TMEM116: variants seen among roughly 807,000 people sequenced by gnomAD.
TMEM116 encodes the protein transmembrane protein 116.
Under a neutral mutation model 44.3 loss-of-function variants are expected in TMEM116, and 38 were observed. That is an observed-to-expected ratio of 0.86 (90% CI 0.66 to 1.12). TMEM116 has a LOEUF of 1.12. Ranked by LOEUF, TMEM116 falls within the 50% of genes most tolerant of loss-of-function variation. The pLI is 0.00. For missense variants in TMEM116, 354 were observed against 401.7 expected, an observed-to-expected ratio of 0.88 and a Z score of 1.01; for synonymous variants, 132 against 144.8, an observed-to-expected ratio of 0.91 and a Z score of 0.64.
chr12:111,943,490 C>T, intron 4 of TMEM116, 121 bp from the exon 5 acceptor site: 1 of 718,258 alleles, frequency 1.4e-6, no homozygotes, highest in Non-Finnish European at 2.4e-6. Flanking sequence ...AGTAATGTAC[C>T]ATCTAGTGTC....
At chr12:111,940,072 A>C (rs1343998773) in intron 5 of TMEM116, among the ~76,000 whole-genome samples, 1 of 151,976 alleles carries the variant, frequency 6.6e-6, no homozygotes, top group Non-Finnish European at 1.5e-5. Flanking sequence ...CAGGAGTTCA[A>C]GACCAGCCTG....
At chr12:112,003,533 A>G (rs984112579) in intron 3 of TMEM116, 16 of 282,178 alleles carry the variant, frequency 5.7e-5, no homozygotes, top group Admixed American at 4.8e-4. Context: ...GCACCACTGC[A>G]CTCCAGCCTG....
At chr12:111,957,481 C>T (rs866811124) in intron 4 of TMEM116, among the ~76,000 whole-genome samples, 5 of 151,998 alleles carry the variant, frequency 3.3e-5, no homozygotes, top group Admixed American at 2.0e-4. Flanking sequence ...GCAGCCGCCC[C>T]GTCCAGGAGG....
chr12:111,957,823 T>C (rs1222222751), intron 4 of TMEM116, among the ~76,000 whole-genome samples: 1 of 152,166 alleles, frequency 6.6e-6, no homozygotes, highest in African/African-American at 2.4e-5. Flanking sequence ...GGCGGTTTTG[T>C]TGAATAGAAA....
chr12:111,979,208 A>G (rs1651819015), intron 4 of TMEM116, among the ~76,000 whole-genome samples: 1 of 152,202 alleles, frequency 6.6e-6, no homozygotes, highest in Admixed American at 6.5e-5. Context: ...CACTATTTAC[A>G]CTAGCCAAAA....
At chr12:111,985,719 C>G (rs1261518925) in intron 4 of TMEM116, among the ~76,000 whole-genome samples, 1 of 152,016 alleles carries the variant, frequency 6.6e-6, no homozygotes, top group Non-Finnish European at 1.5e-5. Context: ...TCCAGAGCCT[C>G]CAGAGTAGCT....
intron 8 of TMEM116, 142 bp from the exon 9 acceptor site, chr12:111,934,172 A>G: frequency 9.6e-7 from 1 of 1,036,960 alleles, no homozygotes; most frequent in Non-Finnish European, 1.3e-6. Flanking sequence ...ACTTTCTGAG[A>G]TCAGGCTTTT....
At chr12:111,967,381 GC>G (rs1401583795) in intron 4 of TMEM116, among the ~76,000 whole-genome samples, 2 of 152,104 alleles carry the variant, frequency 1.3e-5, no homozygotes, top group Non-Finnish European at 2.9e-5. Flanking sequence ...AAAGAAGGGA[GC>G]CAAGTAAAAT....
Position 111,931,796 on chromosome 12 carries a change from T to G in TMEM116, c.839A>C (p.Asn280Thr). The G allele has an allele frequency of 6.4e-7, 1 of 1,563,576 alleles. No individual in the cohort carries two copies. Among genetic ancestry groups the G allele is most frequent in the East Asian group, 2.3e-5 (1 of 43,850 alleles). The change falls in exon 11 of 11, where the codon AAC becomes ACC. Residue 280 changes from asparagine (N) to threonine (T), a missense_variant. By Grantham distance (65) the Asn-to-Thr change is moderately conservative. Transcript: ENST00000552374. ...ALTATSQGLL[N>T]CGVYGWTQHK... Reference sequence around the variant, plus strand: ...CTGCGTCCAGCCATATACTCCACAGTTGAGTAGACCCTGAGATGTTGCCGT... The same window carrying G: ...CTGCGTCCAGCCATATACTCCACAGGTGAGTAGACCCTGAGATGTTGCCGT...
chr12:111,957,860 G>A (rs1193508816), intron 4 of TMEM116, among the ~76,000 whole-genome samples: 1 of 152,240 alleles, frequency 6.6e-6, no homozygotes, highest in Non-Finnish European at 1.5e-5. Flanking sequence ...AAAAGAAAGA[G>A]AGATCAGATT....
intron 1 of TMEM116, among the ~76,000 whole-genome samples, chr12:112,007,300 G>A (rs2077634519): frequency 6.6e-6 from 1 of 152,154 alleles, no homozygotes; most frequent in African/African-American, 2.4e-5. Flanking sequence ...TGTAATCCCA[G>A]CTACTCGGGA....
intron 10 of TMEM116, among the ~76,000 whole-genome samples, chr12:111,932,105 C>A (rs1306805279): frequency 6.6e-6 from 1 of 151,898 alleles, no homozygotes; most frequent in Non-Finnish European, 1.5e-5. Flanking sequence ...TTCCAGGGTA[C>A]CCTTGAGAAA....
intron 4 of TMEM116, among the ~76,000 whole-genome samples, chr12:111,978,072 A>AT (rs1193314183): frequency 6.6e-6 from 1 of 151,826 alleles, no homozygotes; most frequent in Non-Finnish European, 1.5e-5. Flanking sequence ...AAATAAACCC[A>AT]TAAAAACATA....
intron 4 of TMEM116, chr12:111,965,646 C>A: frequency 3.4e-6 from 1 of 295,982 alleles, no homozygotes; most frequent in Admixed American, 4.5e-5. Context: ...TTAAGGAGGC[C>A]AGGTGCAGTG....
intron 3 of TMEM116, chr12:112,000,777 A>C: frequency 3.7e-6 from 2 of 536,508 alleles, no homozygotes; most frequent in Non-Finnish European, 7.6e-6. Flanking sequence ...AATTGAGTTT[A>C]CTATTATCAA....
At chr12:112,008,981 A>G (rs1416833582) in intron 1 of TMEM116, among the ~76,000 whole-genome samples, 1 of 152,156 alleles carries the variant, frequency 6.6e-6, no homozygotes, top group Non-Finnish European at 1.5e-5. Context: ...ATTTCAAAAA[A>G]AAAAAAAAAA....
chr12:111,998,741 A>C (rs1299336599), intron 3 of TMEM116, among the ~76,000 whole-genome samples: 1 of 152,150 alleles, frequency 6.6e-6, no homozygotes, highest in African/African-American at 2.4e-5. Flanking sequence ...GAATCACTTG[A>C]ATCCAGGAGA....
At chr12:111,937,743 C>T (rs1420724591) in intron 6 of TMEM116, among the ~76,000 whole-genome samples, 1 of 152,158 alleles carries the variant, frequency 6.6e-6, no homozygotes, top group Non-Finnish European at 1.5e-5. Flanking sequence ...AAGTCTAAAA[C>T]CAACTCTGAT....
intron 2 of TMEM116, among the ~76,000 whole-genome samples, chr12:112,004,189 C>T (rs1452405713): frequency 6.6e-6 from 1 of 152,074 alleles, no homozygotes; most frequent in Non-Finnish European, 1.5e-5. Flanking sequence ...CTATGTTGCC[C>T]AGGCTAGTCT....
Sources: allele counts gnomAD v4.1 joint callset (sites outside exome capture counted in the v4.1 genomes callset), GRCh38; gene constraint gnomAD v4.1.1; transcripts MANE v1.5; gene names NCBI Gene and HGNC (gene_info 2026-07-23, HGNC 2026-07-21).